Variants in COBL observed in about 807,000 individuals in gnomAD.
The protein encoded by COBL is cordon-bleu WH2 repeat protein.
In COBL, 51 loss-of-function variants were observed where a neutral mutation model predicts 98.8. The ratio of observed to expected loss-of-function variants is 0.52; its 90% CI spans 0.41 to 0.65. COBL has a LOEUF of 0.65. Ranked by LOEUF, COBL falls within the 30% of genes least tolerant of loss-of-function variation. The pLI, the probability that COBL is intolerant of heterozygous loss-of-function variation, is 0.00. For synonymous variants in COBL, 634 were observed against 651.7 expected, an observed-to-expected ratio of 0.97 and a Z score of 0.41; for missense variants, 1,617 against 1,617.5, an observed-to-expected ratio of 1.00 and a Z score of 0.01.
intron 2 of COBL, among the ~76,000 whole-genome samples, chr7:51,205,846 A>C (rs1791646808): frequency 6.6e-6 from 1 of 152,142 alleles, no homozygotes; most frequent in Non-Finnish European, 1.5e-5. Context: ...AAAATAGATA[A>C]AGAACTCAAA....
At position 51,193,567 on chromosome 7, in the gene COBL, C is replaced by T. The variant is rs770703161; in HGVS notation, c.268G>A (p.Val90Ile). The T allele has an allele frequency of 6.8e-6, 11 of 1,613,940 alleles. No individual in the cohort carries two copies. In the African/African-American group the frequency reaches 1.3e-4, roughly 20 times the overall value. ...NGSHAMMDLL[V>I]ELCLQNHLNP... is the part of the protein sequence containing the mutation. ...AGGTGGTTCTGAAGGCAAAGTTCAACCAGTAGGTCCATCATCGCATGGCTG... is the reference window on the plus strand; with the variant it reads ...AGGTGGTTCTGAAGGCAAAGTTCAATCAGTAGGTCCATCATCGCATGGCTG... Residue 90 changes from valine to isoleucine, a missense_variant, in exon 3 of 13, where the codon GTT (valine) becomes ATT (isoleucine). Physicochemically the swap from Val to Ile is conservative, Grantham distance 29. Around this residue, in one of 3 missense-constraint regions of COBL, gnomAD observed 238 missense variants for 215.0 expected, o/e 1.11. Transcript: ENST00000265136.
intron 11 of COBL, among the ~76,000 whole-genome samples, chr7:51,025,988 T>C (rs1202716118): frequency 1.3e-5 from 2 of 152,318 alleles, no homozygotes; most frequent in South Asian, 4.1e-4. Flanking sequence ...AGAATAGACA[T>C]AGAGGCTGGA....
At position 51,029,092 on chromosome 7, in the gene COBL, G is replaced by A. The variant is rs775517254; in HGVS notation, c.2004C>T (p.Ser668=). The A allele has an allele frequency of 5.6e-6, 9 of 1,614,134 alleles. No homozygotes were observed. The South Asian group carries it at 8.8e-5, about 16-fold the overall frequency. ...TGCTGTCCTTTTCATTCACCGGTTG[G>A]GAATTCACTCTCTCTGTGGCTTGAG... ...ERTQATERVN[S]QPVNEKDSND... The change falls in exon 10 of 13, where the codon TCC becomes TCT. Residue 668 remains serine (S), a synonymous_variant. Coordinates refer to ENST00000265136, the MANE Select transcript of COBL (RefSeq NM_015198.5).
At chr7:51,228,803 T>C (rs1428722050) in intron 1 of COBL, among the ~76,000 whole-genome samples, 1 of 152,154 alleles carries the variant, frequency 6.6e-6, no homozygotes, top group African/African-American at 2.4e-5. Context: ...ATCACTTAAC[T>C]ATCGGCAAAT....
chr7:51,084,715 A>G (rs1257283542), intron 7 of COBL, among the ~76,000 whole-genome samples: 2 of 152,078 alleles, frequency 1.3e-5, no homozygotes, highest in African/African-American at 2.4e-5. Flanking sequence ...GTGGAGATCA[A>G]TTTCAAACAG....
At chr7:51,212,329 C>A (rs915303966) in intron 2 of COBL, among the ~76,000 whole-genome samples, 3 of 152,152 alleles carry the variant, frequency 2.0e-5, no homozygotes, top group African/African-American at 7.2e-5. Flanking sequence ...AAACGGAGAG[C>A]CTGTGCCAAT....
intron 5 of COBL, among the ~76,000 whole-genome samples, chr7:51,177,949 G>A (rs527924369): frequency 6.6e-5 from 10 of 151,822 alleles, no homozygotes; most frequent in Non-Finnish European, 1.2e-4. Context: ...AGTTTGAGAC[G>A]AGCCTGGCCA....
intron 7 of COBL, chr7:51,065,490 CGAATGCACGCAG>C: frequency 4.5e-6 from 3 of 671,820 alleles, no homozygotes; most frequent in Non-Finnish European, 8.2e-6. Flanking sequence ...GGGCAGAGGC[CGAATGCACGCAG>C]GAATGGTGGT....
At chr7:51,044,904 G>T (rs960926354) in intron 7 of COBL, among the ~76,000 whole-genome samples, 2 of 152,144 alleles carry the variant, frequency 1.3e-5, no homozygotes, top group Non-Finnish European at 2.9e-5. Flanking sequence ...TAAAACAAAT[G>T]AAAGAACAAC....
At chr7:51,177,404 A>G (rs1374593258) in intron 5 of COBL, among the ~76,000 whole-genome samples, 1 of 152,234 alleles carries the variant, frequency 6.6e-6, no homozygotes, top group Admixed American at 6.5e-5. Flanking sequence ...TAATATATGT[A>G]ATTAAATCTA....
chr7:51,173,584 T>C (rs543668300), intron 5 of COBL, among the ~76,000 whole-genome samples: 22 of 152,164 alleles, frequency 1.4e-4, no homozygotes, highest in Non-Finnish European at 2.8e-4. Flanking sequence ...AGAAAAATGG[T>C]AATATTTCTT....
intron 1 of COBL, among the ~76,000 whole-genome samples, chr7:51,243,493 G>A (rs1397098005): frequency 6.6e-6 from 1 of 152,208 alleles, no homozygotes; most frequent in African/African-American, 2.4e-5. Flanking sequence ...GTATAATCTT[G>A]TATATATCTA....
chr7:51,296,195 C>T (rs1040597197), intron 1 of COBL, among the ~76,000 whole-genome samples: 1 of 152,096 alleles, frequency 6.6e-6, no homozygotes, highest in African/African-American at 2.4e-5. Context: ...CAGGGACACC[C>T]ATGATATCAG....
At chr7:51,026,696 T>G in intron 10 of COBL, 31 bp from the exon 11 acceptor site, 1 of 1,603,882 alleles carries the variant, frequency 6.2e-7, no homozygotes, top group Non-Finnish European at 8.5e-7. Context: ...CACATTTCAC[T>G]GAGAACATGG....
At chr7:51,190,601 G>C (rs1174020249) in intron 4 of COBL, among the ~76,000 whole-genome samples, 1 of 152,146 alleles carries the variant, frequency 6.6e-6, no homozygotes, top group Non-Finnish European at 1.5e-5. Flanking sequence ...TTATGTCGTG[G>C]AAGTTTGCAG....
chr7:51,051,513 C>T (rs1272867814), intron 7 of COBL, among the ~76,000 whole-genome samples: 1 of 152,224 alleles, frequency 6.6e-6, no homozygotes, highest in Non-Finnish European at 1.5e-5. Context: ...CTTAACTCTA[C>T]TTCCTTTGGA....
Position 51,191,092 on chromosome 7 carries a change from C to G in COBL, c.457-14G>C, listed in dbSNP as rs753637314. ...ACGCACAGATTTCTGGAAGAACACACAGGCAAAAAGAATTCAGTAAGATAT... is the reference window on the plus strand; with the variant it reads ...ACGCACAGATTTCTGGAAGAACACAGAGGCAAAAAGAATTCAGTAAGATAT... On this transcript the variant is annotated splice_polypyrimidine_tract_variant and intron_variant, in intron 3 of 12. Transcript: ENST00000265136. 6.2e-7 allele frequency: 1 copy of G among 1,610,082 alleles called. No homozygotes were observed. Among genetic ancestry groups the G allele is most frequent in the African/African-American group, 1.3e-5 (1 of 74,846 alleles).
chr7:51,147,762 T>C (rs1785173139), intron 5 of COBL, among the ~76,000 whole-genome samples: 1 of 151,664 alleles, frequency 6.6e-6, no homozygotes, highest in East Asian at 1.9e-4. Flanking sequence ...TCTTTTTTTT[T>C]TTTTTTGATA....
At chr7:51,057,886 G>C (rs528718981) in intron 7 of COBL, among the ~76,000 whole-genome samples, 1 of 152,176 alleles carries the variant, frequency 6.6e-6, no homozygotes, top group African/African-American at 2.4e-5. Flanking sequence ...TGCCCTGAAA[G>C]GATAGATGGC....
Sources: allele counts gnomAD v4.1 joint callset (sites outside exome capture counted in the v4.1 genomes callset), GRCh38; gene constraint gnomAD v4.1.1; regional missense constraint gnomAD v4.1.1; transcripts MANE v1.5; gene names NCBI Gene and HGNC (gene_info 2026-07-23, HGNC 2026-07-21).